ZNF644: variants seen among roughly 807,000 people sequenced by gnomAD.
ZNF644 encodes the protein zinc finger motif enhancer binding protein 2.
Under a neutral mutation model 108.0 loss-of-function variants are expected in ZNF644, and 20 were observed. The ratio of observed to expected loss-of-function variants is 0.19; its 90% confidence interval spans 0.13 to 0.27. The LOEUF (loss-of-function observed/expected upper bound fraction) is 0.27, where lower values mean the gene tolerates loss of function less well. Ranked by LOEUF, ZNF644 falls within the 10% of genes least tolerant of loss-of-function variation. The probability of loss-of-function intolerance (pLI) is 1.00; values close to 1 mark genes in which losing one functional copy is unlikely to be tolerated. For missense variants in ZNF644, 1,338 were observed against 1,548.9 expected, an observed-to-expected ratio of 0.86 and a Z score of 2.29; for synonymous variants, 542 against 539.1, an observed-to-expected ratio of 1.01 and a Z score of -0.08.
chr1:90,941,214 T>C lies in ZNF644; in HGVS notation c.140A>G (p.Asn47Ser), dbSNP rs1390417623. The change falls in exon 3 of 6, where the codon AAT becomes AGT. Residue 47 changes from asparagine (N) to serine (S), a missense_variant. Transcript: ENST00000337393. ...TCCGCTCTCTTTGTCTGAGATAAAA[T>C]TGTTGTCATCTAGGAGTTCTTCTTT... ...GAKEELLDDN[N>S]FISDKESGVH... 9 of 1,605,982 alleles carry C rather than the reference T, an allele frequency of 5.6e-6. No homozygotes were observed. The highest frequency in any genetic ancestry group is 4.5e-5 in the East Asian group (2 of 44,850).
intron 1 of ZNF644, among the ~76,000 whole-genome samples, chr1:91,017,745 T>C (rs1324024072): frequency 6.6e-6 from 1 of 152,168 alleles, no homozygotes; most frequent in Non-Finnish European, 1.5e-5. Flanking sequence ...GTGAATCACC[T>C]GAGGTCAGGA....
At chr1:90,975,596 C>T (rs924812824) in intron 2 of ZNF644, among the ~76,000 whole-genome samples, 2 of 152,216 alleles carry the variant, frequency 1.3e-5, no homozygotes, top group East Asian at 3.9e-4. Context: ...TGCCACCACA[C>T]CCAAATAATG....
In ZNF644 at chr1:90,940,444, T is replaced by C; in HGVS notation, c.910A>G (p.Thr304Ala). Residue 304 changes from threonine to alanine, a missense_variant, in exon 3 of 6, where the codon ACC (threonine) becomes GCC (alanine). Around this residue, in one of 6 missense-constraint regions of ZNF644, gnomAD observed 464 missense variants for 457.9 expected, o/e 1.01. Coordinates refer to ENST00000337393, the MANE Select transcript of ZNF644 (RefSeq NM_201269.3). ...TTAGAATCACTAAAGCAATCCTCGG[T>C]ATAACGAGTTATCTTGCTTACATCC... ...KMDVSKITRY[T>A]EDCFSDSNCV... 6.2e-7 allele frequency: 1 copy of C among 1,613,628 alleles called. No homozygotes were observed. Among genetic ancestry groups the C allele is most frequent in the Non-Finnish European group, 8.5e-7 (1 of 1,179,904 alleles).
At chr1:90,999,966 T>A (rs976461483) in intron 1 of ZNF644, among the ~76,000 whole-genome samples, 5 of 152,102 alleles carry the variant, frequency 3.3e-5, no homozygotes, top group African/African-American at 1.2e-4. Flanking sequence ...GGTAAAGGGA[T>A]CAATTTAACA....
At chr1:90,974,199 G>A (rs1655776292) in intron 2 of ZNF644, among the ~76,000 whole-genome samples, 1 of 151,968 alleles carries the variant, frequency 6.6e-6, no homozygotes, top group Non-Finnish European at 1.5e-5. Flanking sequence ...AATTAGCTGG[G>A]CAAGGTGGTG....
chr1:90,939,151 T>C lies in ZNF644; in HGVS notation c.2203A>G (p.Asn735Asp), dbSNP rs769037227. The C allele has an allele frequency of 2.5e-6, 4 of 1,613,846 alleles. No homozygotes were observed. In the South Asian group the frequency reaches 3.3e-5, roughly 13 times the overall value. ...TTGTGTCTATACAAATAGTGGCTAT[T>C]TGCCTTGGCATTAGACTTTTCTTTT... ...AAKEKSNAKANSHYLYRHKYE... is the reference protein window; with the variant it reads ...AAKEKSNAKADSHYLYRHKYE... The change falls in exon 3 of 6, where the codon AAT becomes GAT. Residue 735 changes from asparagine to aspartate, a missense_variant. Physicochemically the swap from Asn to Asp is conservative, Grantham distance 23 (BLOSUM62 1). Transcript: ENST00000337393.
chr1:90,942,550 T>G (rs896691472), intron 2 of ZNF644, among the ~76,000 whole-genome samples: 17 of 152,278 alleles, frequency 1.1e-4, no homozygotes, highest in African/African-American at 3.9e-4. Context: ...CAGGCAATAT[T>G]TGTTGAATAA....
At chr1:90,955,775 G>C (rs777948034) in intron 2 of ZNF644, among the ~76,000 whole-genome samples, 2 of 152,166 alleles carry the variant, frequency 1.3e-5, no homozygotes, top group Admixed American at 6.5e-5. Context: ...TCAGTAACAA[G>C]GTTGTTTTGA....
At chr1:91,006,218 C>T (rs992868638) in intron 1 of ZNF644, among the ~76,000 whole-genome samples, 1 of 152,096 alleles carries the variant, frequency 6.6e-6, no homozygotes. Context: ...AGACCTAAAA[C>T]AAGTAGAGAG....
At chr1:90,960,070 T>C (rs1393486081) in intron 2 of ZNF644, among the ~76,000 whole-genome samples, 1 of 152,148 alleles carries the variant, frequency 6.6e-6, no homozygotes, top group Non-Finnish European at 1.5e-5. Context: ...GTCATGATAT[T>C]GCAGTACTTT....
intron 2 of ZNF644, among the ~76,000 whole-genome samples, chr1:90,976,172 T>C (rs953030158): frequency 6.6e-6 from 1 of 152,158 alleles, no homozygotes; most frequent in African/African-American, 2.4e-5. Context: ...CTGCCCATAT[T>C]TTCCCAAGGT....
At chr1:90,952,437 A>T (rs917955337) in intron 2 of ZNF644, among the ~76,000 whole-genome samples, 2 of 152,214 alleles carry the variant, frequency 1.3e-5, no homozygotes, top group African/African-American at 4.8e-5. Flanking sequence ...CCACTGATCA[A>T]ACATATAGGG....
intron 4 of ZNF644, among the ~76,000 whole-genome samples, chr1:90,927,344 T>G (rs943379093): frequency 1.3e-5 from 2 of 152,138 alleles, no homozygotes; most frequent in African/African-American, 4.8e-5. Context: ...CTTGTTGAAT[T>G]AGTGAAAAAA....
intron 1 of ZNF644, among the ~76,000 whole-genome samples, chr1:91,001,433 A>G (rs2101674985): frequency 6.6e-6 from 1 of 152,302 alleles, no homozygotes; most frequent in Non-Finnish European, 1.5e-5. Flanking sequence ...AAAGACAAAA[A>G]CCACATGATT....
intron 2 of ZNF644, among the ~76,000 whole-genome samples, chr1:90,944,769 A>C (rs912218328): frequency 1.3e-5 from 2 of 151,892 alleles, no homozygotes; most frequent in African/African-American, 4.9e-5. Context: ...TTTTGTGGGT[A>C]CTTATTTTAG....
At chr1:91,021,784 C>T (rs909899808) in intron 1 of ZNF644, 4 of 381,848 alleles carry the variant, frequency 1.0e-5, no homozygotes, top group African/African-American at 4.2e-5. Context: ...CCTCCTCGGC[C>T]GCCGCCGCCA....
At position 90,939,382 on chromosome 1, in the gene ZNF644, T is replaced by C. The variant is rs762737555; in HGVS notation, c.1972A>G (p.Lys658Glu). The C allele has an allele frequency of 1.9e-6, 3 of 1,614,074 alleles. No individual in the cohort carries two copies. Among genetic ancestry groups the C allele is most frequent in the Admixed American group, 1.7e-5 (1 of 60,004 alleles). The change falls in exon 3 of 6, where the codon AAA becomes GAA. Residue 658 changes from lysine to glutamate, a missense_variant. Coordinates refer to ENST00000337393, the MANE Select transcript of ZNF644 (RefSeq NM_201269.3). ...STTFPKNSAL[K>E]QDVKRTFGST... ...CCAAATGTTCGCTTCACATCTTGTT[T>C]TAAAGCAGAGTTCTTTGGAAATGTG...
In ZNF644 at chr1:90,932,848, G is replaced by C. The variant is rs1343506550; in HGVS notation, c.3688+4637C>G. 2.6e-5 allele frequency among the ~76,000 whole-genome samples: 4 copies of C among 152,152 alleles called. No homozygotes were observed. The East Asian group carries it at 5.8e-4, about 22-fold the overall frequency. ...TAGTTTTTAAAGTTTCTCAAAAGTGGCTACTGGGTGTGGAAAATAAGACCC... is the reference window on the plus strand; with the variant it reads ...TAGTTTTTAAAGTTTCTCAAAAGTGCCTACTGGGTGTGGAAAATAAGACCC... On this transcript the variant is annotated intron_variant, in intron 4 of 5. Coordinates refer to ENST00000337393, the MANE Select transcript of ZNF644 (RefSeq NM_201269.3).
At chr1:90,927,971 G>C (rs534542465) in intron 4 of ZNF644, among the ~76,000 whole-genome samples, 1 of 149,984 alleles carries the variant, frequency 6.7e-6, no homozygotes, top group South Asian at 2.1e-4. Flanking sequence ...AGCCTCCTGA[G>C]TAGCTGGGAT....
Sources: allele counts gnomAD v4.1 joint callset (sites outside exome capture counted in the v4.1 genomes callset), GRCh38; gene constraint gnomAD v4.1.1; regional missense constraint gnomAD v4.1.1; transcripts MANE v1.5; gene names NCBI Gene and HGNC (gene_info 2026-07-23, HGNC 2026-07-21).